The following MICAL2 variants were observed in gnomAD, a reference collection of about 807,000 sequenced individuals.
MICAL2 encodes the protein [F-actin]-monooxygenase MICAL2.
A neutral mutation model predicts 127.3 loss-of-function variants in MICAL2; 77 were observed. The ratio of observed to expected loss-of-function variants is 0.60; its 90% CI spans 0.50 to 0.73. The LOEUF (loss-of-function observed/expected upper bound fraction) is 0.73. Among genes scored for constraint, MICAL2 ranks in the 30% least tolerant of loss-of-function variants. The probability of loss-of-function intolerance (pLI) is 0.00; values close to 1 mark genes in which losing one functional copy is unlikely to be tolerated. For synonymous variants in MICAL2, 570 were observed against 551.1 expected, an observed-to-expected ratio of 1.03 and a Z score of -0.48; for missense variants, 1,351 against 1,434.4, an observed-to-expected ratio of 0.94 and a Z score of 0.94.
At chr11:12,201,899 A>C (rs1171805078) in intron 3 of MICAL2, among the ~76,000 whole-genome samples, 3 of 152,180 alleles carry the variant, frequency 2.0e-5, no homozygotes, top group Non-Finnish European at 2.9e-5. Flanking sequence ...CGGGCAGATC[A>C]CCTGAGGTTG....
At chr11:12,120,254 G>T (rs1467912804) in intron 1 of MICAL2, among the ~76,000 whole-genome samples, 1 of 152,272 alleles carries the variant, frequency 6.6e-6, no homozygotes, top group Non-Finnish European at 1.5e-5. Flanking sequence ...TATGTTGACA[G>T]AGATGAGTTT....
chr11:12,294,485 C>G, downstream of MICAL2: 4 of 1,614,196 alleles, frequency 2.5e-6, no homozygotes, highest in Non-Finnish European at 3.4e-6. Flanking sequence ...GCCCAATCGG[C>G]CATCCAAGGT....
chr11:12,332,455 T>C lies in MICAL2; in HGVS notation c.5515+5189T>C, dbSNP rs145066217. Among the ~76,000 whole-genome samples the C allele has an allele frequency of 8.5e-3, 1,302 of 152,316 alleles. 23 individuals carry two copies. Among genetic ancestry groups the C allele is most frequent in the African/African-American group, 0.029 (1,218 of 41,562 alleles). Reference sequence around the variant, plus strand: ...TTGTCAGAAAAGGACACCAACCTTATAGATAATGGTCAGGAGTAATAAGAC... The same window carrying C: ...TTGTCAGAAAAGGACACCAACCTTACAGATAATGGTCAGGAGTAATAAGAC... On this transcript the variant is annotated intron_variant, in intron 32 of 34. Transcript: ENST00000646065.
chr11:12,242,936 A>G (rs1860188131), intron 20 of MICAL2, 164 bp downstream of exon 20: 1 of 527,290 alleles, frequency 1.9e-6, no homozygotes, highest in African/African-American at 2.0e-5. Context: ...GCATCTAGAA[A>G]AGACCCAAAT....
intron 2 of MICAL2, among the ~76,000 whole-genome samples, chr11:12,152,755 G>A (rs1318437112): frequency 6.7e-6 from 1 of 150,214 alleles, no homozygotes; most frequent in Non-Finnish European, 1.5e-5. Flanking sequence ...TTTAAAAAGA[G>A]GTAAAAAATA....
At chr11:12,126,893 C>T (rs1018938471) in intron 1 of MICAL2, among the ~76,000 whole-genome samples, 1 of 151,876 alleles carries the variant, frequency 6.6e-6, no homozygotes, top group Non-Finnish European at 1.5e-5. Flanking sequence ...GCAGAGGTGG[C>T]GGCAGCAGCA....
At chr11:12,180,349 A>ATATATATATATATATATATT (rs11403732) in intron 3 of MICAL2, among the ~76,000 whole-genome samples, 2 of 139,680 alleles carry the variant, frequency 1.4e-5, no homozygotes, top group Admixed American at 7.5e-5. Context: ...ATATGTATAT[A>ATATATATATATATATATATT]TTTTTTTTTT....
Position 12,208,078 on chromosome 11 carries a change from A to G in MICAL2, c.528A>G (p.Glu176=). The part of the protein sequence containing the change: ...LFKVALMLGV[E]IHVNVEFVKV... ...AGGTGGCCCTGATGCTGGGAGTTGA[A>G]ATCCATGTGAATGTGGAGTTCGTGA... Residue 176 remains glutamate, a synonymous_variant, in exon 5 of 28, where the codon GAA becomes GAG. Coordinates refer to ENST00000683283, the MANE Select transcript of MICAL2 (RefSeq NM_001282663.2). 1 of 1,614,166 alleles carries G rather than the reference A, an allele frequency of 6.2e-7. No individual in the cohort carries two copies. Among genetic ancestry groups the G allele is most frequent in the Non-Finnish European group, 8.5e-7 (1 of 1,180,014 alleles).
At position 12,260,659 on chromosome 11, in the gene MICAL2, A is replaced by C. The variant is rs1415852746; in HGVS notation, c.3334+762A>C. The C allele has an allele frequency of 2.3e-5, 23 of 986,210 alleles. No homozygotes were observed. The East Asian group carries it at 2.3e-3, about 97-fold the overall frequency. 61.1% of individuals were successfully genotyped at this position (986,210 alleles called of 1,614,324 possible). On this transcript the variant is annotated intron_variant, in intron 26 of 27. Coordinates refer to ENST00000683283, the MANE Select transcript of MICAL2 (RefSeq NM_001282663.2). ...AGGTACCCAGATGCCACTTGTCAGC[A>C]GCAGGATACTTTTTACAACACGAAA...
Position 12,241,077 on chromosome 11 carries a change from G to C in MICAL2, c.2252G>C (p.Cys751Ser). 5 of 1,614,120 alleles carry C rather than the reference G, an allele frequency of 3.1e-6. No individual in the cohort carries two copies. Among genetic ancestry groups the C allele is most frequent in the Non-Finnish European group, 3.4e-6 (4 of 1,180,006 alleles). The change falls in exon 18 of 28, where the codon TGC (cysteine) becomes TCC (serine). Residue 751 changes from cysteine to serine, a missense_variant. By Grantham distance (112) the Cys-to-Ser change is moderately radical. Transcript: ENST00000683283. Reference protein sequence around the residue: ...RVSGIGKPVLCSSSGPPVHSC... With the variant: ...RVSGIGKPVLSSSSGPPVHSC... The stretch of plus-strand genomic sequence containing the variant: ...TCAGGGATAGGTAAGCCGGTCCTGT[G>C]CTCTTCCTCCGGCCCTCCTGTTCAC...
At chr11:12,198,239 C>G (rs1252526267) in intron 3 of MICAL2, among the ~76,000 whole-genome samples, 1 of 152,198 alleles carries the variant, frequency 6.6e-6, no homozygotes, top group Non-Finnish European at 1.5e-5. Flanking sequence ...TTCCTATGTG[C>G]CAAATGATGA....
At chr11:12,277,464 C>A (rs963387606) in intron 1 of MICAL2, among the ~76,000 whole-genome samples, 5 of 152,166 alleles carry the variant, frequency 3.3e-5, no homozygotes, top group African/African-American at 1.2e-4. Context: ...TCTTTGCAGA[C>A]AAATTCCCAC....
chr11:12,163,991 C>T (rs1214963542), intron 3 of MICAL2, among the ~76,000 whole-genome samples: 2 of 152,074 alleles, frequency 1.3e-5, no homozygotes, highest in Non-Finnish European at 2.9e-5. Flanking sequence ...ATACACCCAA[C>T]ATGTTGTGGC....
intron 4 of MICAL2, chr11:12,207,796 T>C: frequency 2.2e-6 from 1 of 456,250 alleles, no homozygotes; most frequent in Non-Finnish European, 3.9e-6. Context: ...TTGTTAAGCC[T>C]CAATTTCTCA....
intron 24 of MICAL2, among the ~76,000 whole-genome samples, chr11:12,258,019 C>T (rs950413882): frequency 6.6e-6 from 1 of 152,138 alleles, no homozygotes; most frequent in Non-Finnish European, 1.5e-5. Flanking sequence ...GCCTGGCAAC[C>T]GGTCTTATGA....
At chr11:12,259,104 T>G (rs958188094) in intron 25 of MICAL2, among the ~76,000 whole-genome samples, 3 of 152,282 alleles carry the variant, frequency 2.0e-5, no homozygotes, top group Non-Finnish European at 4.4e-5. Flanking sequence ...ACTTAAAACT[T>G]TTTTCTAATT....
intron 2 of MICAL2, among the ~76,000 whole-genome samples, chr11:12,141,592 T>C (rs1465189116): frequency 6.6e-6 from 1 of 152,224 alleles, no homozygotes; most frequent in Admixed American, 6.5e-5. Flanking sequence ...GGGAGAAAAC[T>C]CTAACCTTGT....
chr11:12,290,430 G>A (rs928859202), downstream of MICAL2, among the ~76,000 whole-genome samples: 2 of 152,168 alleles, frequency 1.3e-5, no homozygotes, highest in African/African-American at 4.8e-5. Context: ...AGTCTGTTGA[G>A]CTGAGGGGAC....
intron 1 of MICAL2, among the ~76,000 whole-genome samples, chr11:12,134,151 G>T (rs904262771): frequency 1.3e-5 from 2 of 152,212 alleles, no homozygotes; most frequent in South Asian, 2.1e-4. Flanking sequence ...TTCATTGAAG[G>T]TTAGACAAGA....
Sources: allele counts gnomAD v4.1 joint callset (sites outside exome capture counted in the v4.1 genomes callset), GRCh38; gene constraint gnomAD v4.1.1; transcripts MANE v1.5; gene names NCBI Gene and HGNC (gene_info 2026-07-23, HGNC 2026-07-21).